NEGR1: variants seen among roughly 807,000 people sequenced by gnomAD.
NEGR1 encodes the protein IgLON family member 4.
Under a neutral mutation model 40.9 loss-of-function variants are expected in NEGR1, and 10 were observed. The observed-to-expected ratio is 0.24, with a 90% CI of 0.15 to 0.42. The LOEUF (loss-of-function observed/expected upper bound fraction) is 0.42, where lower values mean the gene tolerates loss of function less well. NEGR1 is among the 10% of genes least tolerant of loss of function. The pLI is 1.00. For missense variants in NEGR1, 352 were observed against 438.9 expected (o/e 0.80, Z 1.77); for synonymous variants, 185 against 166.8 (o/e 1.11, Z -0.84).
In NEGR1 at chr1:71,797,191, C is replaced by T. The variant is rs149983824; in HGVS notation, c.410-20894G>A. 2.5e-3 allele frequency among the ~76,000 whole-genome samples: 376 copies of T among 152,222 alleles called. 3 individuals carry two copies. The highest frequency in any genetic ancestry group is 7.8e-3 in the African/African-American group (322 of 41,544). ...CATTACCTCATTTAGTAATGTGCCTCGCAGTACCACACAGTCATGCTATGA... is the reference window on the plus strand; with the variant it reads ...CATTACCTCATTTAGTAATGTGCCTTGCAGTACCACACAGTCATGCTATGA... On this transcript the variant is annotated intron_variant, in intron 2 of 6. Coordinates refer to ENST00000357731, the MANE Select transcript of NEGR1 (RefSeq NM_173808.3).
intron 6 of NEGR1, among the ~76,000 whole-genome samples, chr1:71,531,395 C>G (rs61764981): frequency 1.3e-5 from 2 of 151,166 alleles, no homozygotes; most frequent in Admixed American, 6.6e-5. Flanking sequence ...TTACGTCAAC[C>G]CATCAGGTGA....
chr1:71,597,374 C>T (rs1322905141), intron 5 of NEGR1, among the ~76,000 whole-genome samples: 1 of 150,564 alleles, frequency 6.6e-6, no homozygotes, highest in African/African-American at 2.4e-5. Context: ...CCTTCCACAA[C>T]ACATCCTATA....
intron 4 of NEGR1, among the ~76,000 whole-genome samples, chr1:71,674,081 T>C (rs1457221253): frequency 6.6e-6 from 1 of 152,198 alleles, no homozygotes; most frequent in African/African-American, 2.4e-5. Context: ...TTGAAAATTG[T>C]ATTTATTTCT....
chr1:71,765,759 T>C (rs577855678), intron 3 of NEGR1, among the ~76,000 whole-genome samples: 8 of 152,316 alleles, frequency 5.3e-5, no homozygotes, highest in African/African-American at 1.9e-4. Flanking sequence ...TTTTGGGTCC[T>C]TAAAATCATG....
intron 2 of NEGR1, among the ~76,000 whole-genome samples, chr1:71,895,675 C>T (rs952040395): frequency 1.3e-5 from 2 of 152,192 alleles, no homozygotes; most frequent in East Asian, 3.8e-4. Flanking sequence ...GGCTCTATCA[C>T]ATTTGTTTAA....
intron 1 of NEGR1, among the ~76,000 whole-genome samples, chr1:72,108,835 A>T (rs2100262737): frequency 6.6e-6 from 1 of 151,574 alleles, no homozygotes; most frequent in East Asian, 1.9e-4. Context: ...AAACCCCTCT[A>T]AGTTAGGTAT....
intron 6 of NEGR1, among the ~76,000 whole-genome samples, chr1:71,462,187 G>A (rs1646718645): frequency 1.3e-5 from 2 of 152,082 alleles, no homozygotes; most frequent in South Asian, 4.1e-4. Context: ...AATGCACTGA[G>A]GGGGAAATAG....
chr1:72,130,637 G>C (rs1482098966), intron 1 of NEGR1, among the ~76,000 whole-genome samples: 1 of 151,998 alleles, frequency 6.6e-6, no homozygotes, highest in Non-Finnish European at 1.5e-5. Context: ...TCACGTGCTT[G>C]GACAATCAGA....
At chr1:71,799,718 CT>C (rs201329752) in intron 2 of NEGR1, among the ~76,000 whole-genome samples, 14,565 of 146,384 alleles carry the variant, frequency 0.099, 1,014 homozygotes, top group African/African-American at 0.2. Context: ...TGTCTCCTGA[CT>C]TTTTTTTTTT....
chr1:72,113,214 T>A (rs1649446145), intron 1 of NEGR1, among the ~76,000 whole-genome samples: 1 of 151,626 alleles, frequency 6.6e-6, no homozygotes, highest in Non-Finnish European at 1.5e-5. Flanking sequence ...AAGGCCTAAG[T>A]CTTGGTGCTA....
At chr1:71,743,286 G>A (rs550155664) in intron 3 of NEGR1, among the ~76,000 whole-genome samples, 1 of 152,224 alleles carries the variant, frequency 6.6e-6, no homozygotes, top group Admixed American at 6.5e-5. Flanking sequence ...AAAGTAGAAT[G>A]TAGTTTAATA....
intron 6 of NEGR1, among the ~76,000 whole-genome samples, chr1:71,467,764 G>A (rs1208254118): frequency 6.6e-6 from 1 of 151,950 alleles, no homozygotes; most frequent in Non-Finnish European, 1.5e-5. Context: ...ATTGGTATCT[G>A]GCATCGCAAA....
intron 3 of NEGR1, among the ~76,000 whole-genome samples, chr1:71,737,847 C>A (rs537663953): frequency 6.6e-6 from 1 of 152,174 alleles, no homozygotes. Context: ...AATGCCCCCT[C>A]TTTCTTTGTG....
rs1557439444 is a variant in NEGR1 at position 71,928,473 on chromosome 1, T to TAC, written c.409+6604_409+6605dup. 4.4e-4 allele frequency among the ~76,000 whole-genome samples: 42 copies of TAC among 95,272 alleles called. 1 individual carries two copies. Among genetic ancestry groups the TAC allele is most frequent in the African/African-American group, 1.5e-3 (37 of 24,512 alleles). 62.5% of individuals were successfully genotyped at this position (95,272 alleles called of 152,430 possible). On this transcript the variant is annotated intron_variant, in intron 2 of 6. Transcript: ENST00000357731. ...GTATATATACACACATACTTATATA[T>TAC]ACACATATATATGTATATATACACA...
intron 1 of NEGR1, among the ~76,000 whole-genome samples, chr1:72,209,647 T>C (rs1278172001): frequency 6.6e-6 from 1 of 151,922 alleles, no homozygotes; most frequent in East Asian, 1.9e-4. Context: ...GATAATTATA[T>C]GTGTACATTT....
chr1:71,643,743 A>T (rs950670123), intron 4 of NEGR1, among the ~76,000 whole-genome samples: 6 of 152,028 alleles, frequency 3.9e-5, no homozygotes, highest in African/African-American at 1.4e-4. Flanking sequence ...CCTGACTCCA[A>T]TAAGAATTCA....
intron 6 of NEGR1, chr1:71,573,689 C>T (rs1305980375): frequency 6.6e-6 from 1 of 152,144 alleles, no homozygotes; most frequent in Non-Finnish European, 1.5e-5. Context: ...CTAGGGTCTA[C>T]TCAGAATATA....
intron 5 of NEGR1, among the ~76,000 whole-genome samples, chr1:71,608,817 G>A (rs551114825): frequency 2.0e-5 from 3 of 152,240 alleles, no homozygotes; most frequent in South Asian, 2.1e-4. Context: ...GCATCTTCTC[G>A]AGAAGTGCTG....
intron 1 of NEGR1, among the ~76,000 whole-genome samples, chr1:72,033,562 C>G (rs1052618325): frequency 1.3e-5 from 2 of 152,102 alleles, no homozygotes; most frequent in African/African-American, 4.8e-5. Flanking sequence ...TAAATTCATG[C>G]ACATTTTAAA....
Sources: allele counts gnomAD v4.1 joint callset (sites outside exome capture counted in the v4.1 genomes callset), GRCh38; gene constraint gnomAD v4.1.1; transcripts MANE v1.5; gene names NCBI Gene and HGNC (gene_info 2026-07-23, HGNC 2026-07-21).